The following SPIB variants were observed in gnomAD, a reference collection of about 807,000 sequenced individuals.
SPIB encodes the protein transcription factor Spi-B.
Under a neutral mutation model 31.9 loss-of-function variants are expected in SPIB, and 7 were observed. That is an observed-to-expected ratio of 0.22 (90% CI 0.12 to 0.41). The LOEUF (loss-of-function observed/expected upper bound fraction) is 0.41. Among genes scored for constraint, SPIB ranks in the 10% least tolerant of loss-of-function variants. The pLI, the probability that SPIB is intolerant of heterozygous loss-of-function variation, is 1.00. For missense variants in SPIB, 327 were observed against 360.2 expected (o/e 0.91, Z 0.75); for synonymous variants, 176 against 158.9 (o/e 1.11, Z -0.81).
chr19:50,424,691 GAA>G (rs2039543567), intron 5 of SPIB, among the ~76,000 whole-genome samples: 1 of 152,094 alleles, frequency 6.6e-6, no homozygotes. Flanking sequence ...TGAGGCAGAA[GAA>G]TCGCTTGAAC....
At chr19:50,425,516 C>T (rs547110560) in intron 5 of SPIB, among the ~76,000 whole-genome samples, 11 of 152,338 alleles carry the variant, frequency 7.2e-5, no homozygotes, top group African/African-American at 2.4e-4. Flanking sequence ...TCTCGGCTCA[C>T]TACTGCCTCA....
rs1207917479 is a variant in SPIB at position 50,430,667 on chromosome 19, G to C, written c.*2331G>C. The C allele has an allele frequency of 6.6e-6, 1 of 152,274 alleles. No individual in the cohort carries two copies. The highest frequency in any genetic ancestry group is 6.6e-5 in the Admixed American group (1 of 15,264). 9.4% of individuals were successfully genotyped at this position (152,274 alleles called of 1,614,324 possible). A position where few individuals can be genotyped will look rare whatever the true frequency, so the allele number is the denominator to read the frequency against. ...TGAGGCAGGAGAATCGCTTGAACCTGGGAGGCGGAGGTTGTAGTGAGCTGA... is the reference window on the plus strand; with the variant it reads ...TGAGGCAGGAGAATCGCTTGAACCTCGGAGGCGGAGGTTGTAGTGAGCTGA... On this transcript the variant is annotated 3_prime_UTR_variant, in exon 6 of 6. Coordinates refer to ENST00000595883, the MANE Select transcript of SPIB (RefSeq NM_003121.5).
Position 50,428,026 on chromosome 19 carries a change from A to ACC in SPIB, c.491-9_491-8dup. ...ACCCCTCACCTAACGCGTGCCCCCGACCCCACCGCAGGGACTCGCAAGAAG... is the reference window on the plus strand; with the variant it reads ...ACCCCTCACCTAACGCGTGCCCCCGACCCCCCACCGCAGGGACTCGCAAGAAG... On this transcript the variant is annotated splice_polypyrimidine_tract_variant and intron_variant, in intron 5 of 5. Transcript: ENST00000595883. The surrounding 1 kb of genome is among the most constrained non-coding windows in gnomAD (Gnocchi z 6.5). The ACC allele has an allele frequency of 6.7e-7, 1 of 1,499,130 alleles. No individual in the cohort carries two copies. The highest frequency in any genetic ancestry group is 9.0e-7 in the Non-Finnish European group (1 of 1,117,068). 92.9% of individuals were successfully genotyped at this position (1,499,130 alleles called of 1,614,324 possible). A position where few individuals can be genotyped will look rare whatever the true frequency, so the allele number is the denominator to read the frequency against.
At chr19:50,427,902 G>C (rs2039588320) in intron 5 of SPIB, 136 bp from the exon 6 acceptor site, 2 of 713,714 alleles carry the variant, frequency 2.8e-6, no homozygotes, top group Non-Finnish European at 4.0e-6. Flanking sequence ...CCAGGTGTAT[G>C]TAACAGCCAC....
intron 1 of SPIB, among the ~76,000 whole-genome samples, chr19:50,419,500 C>T (rs894648061): frequency 6.6e-6 from 1 of 152,252 alleles, no homozygotes; most frequent in Non-Finnish European, 1.5e-5. Flanking sequence ...CTTTGCACAC[C>T]TTTCTCTGTG....
chr19:50,428,824 T>G lies in SPIB; in HGVS notation c.*488T>G. On this transcript the variant is annotated 3_prime_UTR_variant, in exon 6 of 6. Coordinates refer to ENST00000595883, the MANE Select transcript of SPIB (RefSeq NM_003121.5). This position sits in a 1 kb window ranked among gnomAD's most constrained non-coding sequence, Gnocchi z 6.5. ...TGTCAGATCTGAGATTTCCTAGTTA[T>G]GTCTGGGGCCCTCTGGGAGCTGTTA... 6.3e-6 allele frequency: 1 copy of G among 158,988 alleles called. No individual in the cohort carries two copies. The highest frequency in any genetic ancestry group is 1.4e-5 in the Non-Finnish European group (1 of 72,946). The allele number at this position is 158,988 out of a possible 1,614,324, so 9.8% of individuals were successfully genotyped here. A position where few individuals can be genotyped will look rare whatever the true frequency, so the allele number is the denominator to read the frequency against.
intron 5 of SPIB, among the ~76,000 whole-genome samples, chr19:50,425,565 T>C (rs2039554623): frequency 1.3e-5 from 2 of 152,200 alleles, no homozygotes; most frequent in African/African-American, 4.8e-5. Flanking sequence ...CTCAGCCTCC[T>C]GAGTAGCTAG....
chr19:50,425,834 GGAGA>G (rs1412572460), intron 5 of SPIB, among the ~76,000 whole-genome samples: 6 of 152,254 alleles, frequency 3.9e-5, no homozygotes, highest in African/African-American at 1.2e-4. Flanking sequence ...AGGCAGGGAG[GGAGA>G]GAGAGAGGGA....
Position 50,423,003 on chromosome 19 carries a change from T to C in SPIB, c.305T>C (p.Leu102Pro). 6.5e-7 allele frequency: 1 copy of C among 1,529,290 alleles called. No individual in the cohort carries two copies. Among genetic ancestry groups the C allele is most frequent in the South Asian group, 1.2e-5 (1 of 81,390 alleles). The allele number at this position is 1,529,290 out of a possible 1,614,324, so 94.7% of individuals were successfully genotyped here. The change falls in exon 4 of 6, where the codon CTC (leucine) becomes CCC (proline). Residue 102 changes from leucine to proline, a missense_variant. Physicochemically the swap from Leu to Pro is moderately conservative, Grantham distance 98. Around this residue, in one of 4 missense-constraint regions of SPIB, gnomAD observed 238 missense variants for 228.8 expected, o/e 1.04. Coordinates refer to ENST00000595883, the MANE Select transcript of SPIB (RefSeq NM_003121.5). ...APSLEAPGPG[L>P]PAYPTENFAS... ...AGCCTGGAGGCCCCGGGGCCTGGCC[T>C]CCCTGCATACCCCACGGAGAACTTC... is the stretch of plus-strand genomic sequence containing the variant.
In SPIB at chr19:50,422,555, C is replaced by A. The variant is rs2122545808; in HGVS notation, c.124+10C>A. The A allele has an allele frequency of 6.2e-7, 1 of 1,613,402 alleles. No individual in the cohort carries two copies. The highest frequency in any genetic ancestry group is 8.5e-7 in the Non-Finnish European group (1 of 1,179,610). ...TCAGAGGGGGCTCCTGGTGAGTGAC[C>A]CCAGCCCTGTGCCCTTCCTGCCTTG... On this transcript the variant is annotated intron_variant, in intron 3 of 5. Coordinates refer to ENST00000595883, the MANE Select transcript of SPIB (RefSeq NM_003121.5).
In SPIB at chr19:50,429,758, C is replaced by G. The variant is rs2039616992; in HGVS notation, c.*1422C>G. 1 of 151,482 alleles carries G rather than the reference C, an allele frequency of 6.6e-6. No homozygotes were observed. Among genetic ancestry groups the G allele is most frequent in the South Asian group, 2.1e-4 (1 of 4,814 alleles). The allele number at this position is 151,482 out of a possible 1,614,324, so 9.4% of individuals were successfully genotyped here. On this transcript the variant is annotated 3_prime_UTR_variant, in exon 6 of 6. Coordinates refer to ENST00000595883, the MANE Select transcript of SPIB (RefSeq NM_003121.5). The stretch of plus-strand genomic sequence containing the variant: ...GTGGCTCATGCCTGTTGTCCCAGCA[C>G]TTTGGGAGGCCGAGGCAGGCGGATC...
intron 4 of SPIB, 145 bp from the exon 5 acceptor site, chr19:50,423,460 C>T (rs918094481): frequency 6.6e-6 from 7 of 1,064,982 alleles, no homozygotes; most frequent in Admixed American, 2.7e-5. Flanking sequence ...CTGGCCACAG[C>T]GTGGTGATCT....
chr19:50,419,827 C>A (rs2039468803), intron 1 of SPIB, 119 bp from the exon 2 acceptor site: 2 of 1,021,070 alleles, frequency 2.0e-6, no homozygotes, highest in South Asian at 1.8e-5. Context: ...TGGGGCTGGT[C>A]CCTCACACAG....
At chr19:50,424,081 G>A (rs570628316) in intron 5 of SPIB, among the ~76,000 whole-genome samples, 2 of 152,172 alleles carry the variant, frequency 1.3e-5, no homozygotes, top group East Asian at 3.9e-4. Flanking sequence ...CATCATTCCC[G>A]ACACCACAGC....
At chr19:50,425,588 ACAC>A (rs1481790142) in intron 5 of SPIB, among the ~76,000 whole-genome samples, 4 of 152,120 alleles carry the variant, frequency 2.6e-5, no homozygotes, top group African/African-American at 9.7e-5. Flanking sequence ...CCACAGGCGT[ACAC>A]CACCACACCT....
chr19:50,419,806 G>A (rs539507562), intron 1 of SPIB, 140 bp from the exon 2 acceptor site: 678 of 786,256 alleles, frequency 8.6e-4, no homozygotes, highest in Non-Finnish European at 1.2e-3. Flanking sequence ...GGGGGAGTCC[G>A]GTGAATGTGG....
intron 5 of SPIB, 45 bp from the exon 6 acceptor site, chr19:50,427,993 C>A (rs2039590072): frequency 6.9e-7 from 1 of 1,453,272 alleles, no homozygotes. Context: ...GAAGGCGGGG[C>A]CTTAGGGACC....
At chr19:50,420,020 C>T (rs1423140626) in intron 2 of SPIB, 47 bp downstream of exon 2, 1 of 1,406,308 alleles carries the variant, frequency 7.1e-7, no homozygotes, top group Non-Finnish European at 9.3e-7. Context: ...CCACAGTGAC[C>T]TCCCTCAGAG....
intron 5 of SPIB, among the ~76,000 whole-genome samples, chr19:50,427,384 G>A (rs1473603769): frequency 6.6e-6 from 1 of 152,182 alleles, no homozygotes; most frequent in Admixed American, 6.5e-5. Flanking sequence ...AATAAGCCGG[G>A]CATGGTGGCA....
Sources: allele counts gnomAD v4.1 joint callset (sites outside exome capture counted in the v4.1 genomes callset), GRCh38; gene constraint gnomAD v4.1.1; regional missense constraint gnomAD v4.1.1; non-coding constraint Gnocchi (gnomAD v3.1); transcripts MANE v1.5; gene names NCBI Gene and HGNC (gene_info 2026-07-23, HGNC 2026-07-21).